The following NET1 variants were observed in gnomAD, a reference collection of about 807,000 sequenced individuals.
The protein encoded by NET1 is neuroepithelial cell-transforming gene 1 protein.
A neutral mutation model predicts 61.1 loss-of-function variants in NET1; 42 were observed. That is an observed-to-expected ratio of 0.69 (90% CI 0.54 to 0.89). The LOEUF is 0.89. NET1 is among the 40% of genes least tolerant of loss of function. The pLI, the probability that NET1 is intolerant of heterozygous loss-of-function variation, is 0.00. For synonymous variants in NET1, 254 were observed against 281.8 expected (o/e 0.90, Z 0.99); for missense variants, 654 against 747.3 (o/e 0.88, Z 1.46).
At position 5,453,724 on chromosome 10, in the gene NET1, TA is replaced by T. The variant is rs200149854; in HGVS notation, c.768+179del. On this transcript the variant is annotated intron_variant, in intron 8 of 11. Coordinates refer to ENST00000355029, the MANE Select transcript of NET1 (RefSeq NM_001047160.3). This position sits in a 1 kb window ranked among gnomAD's most constrained non-coding sequence, Gnocchi z 4.9. ...GTGACATAAGAAGTTACAGTCTGTT[TA>T]AAAAAAAAAAAAAACACCTTCATTA... Among the ~76,000 whole-genome samples, 1,979 of 139,426 alleles carry T rather than the reference TA, an allele frequency of 0.014. 42 individuals are homozygous for T. The highest frequency in any genetic ancestry group is 0.11 in the East Asian group (555 of 4,960). 91.5% of individuals were successfully genotyped at this position (139,426 alleles called of 152,430 possible).
At position 5,449,198 on chromosome 10, in the gene NET1, GTTATT is replaced by G. The variant is rs1236653268; in HGVS notation, c.256-2628_256-2624del. Among the ~76,000 whole-genome samples the G allele has an allele frequency of 6.6e-6, 1 of 151,936 alleles. No homozygotes were observed. The highest frequency in any genetic ancestry group is 2.4e-5 in the African/African-American group (1 of 41,354). ...TTTACATTTCATAATCACACTTTTC[GTTATT>G]TTAGTCATTAAAATTGTTCATACTT... On this transcript the variant is annotated intron_variant, in intron 3 of 11. Transcript: ENST00000355029. The surrounding 1 kb of genome is among the most constrained non-coding windows in gnomAD (Gnocchi z 4.4).
rs1227027088 is a variant in NET1 at position 5,448,801 on chromosome 10, T to C, written c.256-3029T>C. Among the ~76,000 whole-genome samples, 5 of 151,788 alleles carry C rather than the reference T, an allele frequency of 3.3e-5. No individual in the cohort carries two copies. The East Asian group carries it at 9.7e-4, about 29-fold the overall frequency. On this transcript the variant is annotated intron_variant, in intron 3 of 11. Coordinates refer to ENST00000355029, the MANE Select transcript of NET1 (RefSeq NM_001047160.3). ...ATAAACAATCCTAGCAGTGGAACTA[T>C]GGGTGCCTTCCATTTGGTGGTGGTG...
In NET1 at chr10:5,443,873, G is replaced by A. The variant is rs960497401; in HGVS notation, c.256-7957G>A. On this transcript the variant is annotated intron_variant, in intron 3 of 11. Coordinates refer to ENST00000355029, the MANE Select transcript of NET1 (RefSeq NM_001047160.3). This position sits in a 1 kb window ranked among gnomAD's most constrained non-coding sequence, Gnocchi z 4.8. ...GAAAAACAGTTTCAAGAAAGACATC[G>A]GGTAAGAATCCCAGGAGAACTCCTA... Among the ~76,000 whole-genome samples the A allele has an allele frequency of 2.6e-5, 4 of 152,142 alleles. No individual in the cohort carries two copies. Among genetic ancestry groups the A allele is most frequent in the Admixed American group, 6.5e-5 (1 of 15,278 alleles).
chr10:5,417,484 A>G lies in NET1; in HGVS notation c.128+4664A>G, dbSNP rs780384703. ...CTTTATTTTCAGTTTAATAATTTCA[A>G]TTGTATAGGAATACATACAATTGAT... On this transcript the variant is annotated intron_variant, in intron 1 of 11. Transcript: ENST00000355029. The surrounding 1 kb of genome is among the most constrained non-coding windows in gnomAD (Gnocchi z 5.5). Among the ~76,000 whole-genome samples the G allele has an allele frequency of 2.0e-5, 3 of 151,966 alleles. No individual in the cohort carries two copies. The highest frequency in any genetic ancestry group is 6.5e-5 in the Admixed American group (1 of 15,274).
rs1832169928 is a variant in NET1 at position 5,421,189 on chromosome 10, C to T, written c.129-5466C>T. Among the ~76,000 whole-genome samples, 1 of 152,188 alleles carries T rather than the reference C, an allele frequency of 6.6e-6. No individual in the cohort carries two copies. The highest frequency in any genetic ancestry group is 2.4e-5 in the African/African-American group (1 of 41,450). ...TGGGCAAGTTACTTAGTCTCTAAAT[C>T]TCACTTCATAGTACCTATGTCTAAG... On this transcript the variant is annotated intron_variant, in intron 1 of 11. Transcript: ENST00000355029. The surrounding 1 kb of genome is among the most constrained non-coding windows in gnomAD (Gnocchi z 4.2).
rs772582177 is a variant in NET1, at chr10:5,424,603, G to A, written c.129-2052G>A. ...TAATCAGCTTCTTAGATTGTTTTGC[G>A]CCACTAAAGAGGCCGTCAAAAATAG... On this transcript the variant is annotated intron_variant, in intron 1 of 11. Transcript: ENST00000355029. The surrounding 1 kb of genome is among the most constrained non-coding windows in gnomAD (Gnocchi z 6.1). Among the ~76,000 whole-genome samples, 5 of 152,076 alleles carry A rather than the reference G, an allele frequency of 3.3e-5. No homozygotes were observed. Among genetic ancestry groups the A allele is most frequent in the African/African-American group, 4.8e-5 (2 of 41,396 alleles).
Position 5,455,429 on chromosome 10 carries a change from T to TAAG in NET1, c.1197+313_1197+315dup, listed in dbSNP as rs994268175. Among the ~76,000 whole-genome samples the TAAG allele has an allele frequency of 6.6e-6, 1 of 152,248 alleles. No homozygotes were observed. Among genetic ancestry groups the TAAG allele is most frequent in the Non-Finnish European group, 1.5e-5 (1 of 68,032 alleles). ...AAAAGCATCCTTCAAAAAAAACTTC[T>TAAG]AAGAGTTTATCTTATGCTTATGAAA... On this transcript the variant is annotated intron_variant, in intron 10 of 11. Transcript: ENST00000355029. The surrounding 1 kb of genome is among the most constrained non-coding windows in gnomAD (Gnocchi z 6.5).
intron 3 of NET1, among the ~76,000 whole-genome samples, chr10:5,436,348 C>T (rs1287146710): frequency 6.9e-6 from 1 of 144,438 alleles, no homozygotes; most frequent in Non-Finnish European, 1.5e-5. Flanking sequence ...TCACTGCAGC[C>T]TCTGCCTCCC....
rs1832022208 is a variant in NET1, at chr10:5,412,924, G to A, written c.128+104G>A. The A allele has an allele frequency of 9.0e-7, 1 of 1,113,432 alleles. No homozygotes were observed. Among genetic ancestry groups the A allele is most frequent in the Non-Finnish European group, 1.1e-6 (1 of 882,220 alleles). 69.0% of individuals were successfully genotyped at this position (1,113,432 alleles called of 1,614,324 possible). A position where few individuals can be genotyped will look rare whatever the true frequency, so the allele number is the denominator to read the frequency against. ...GAGGCAAGGGCCGGGGGGAGGGGAG[G>A]GCTGGCCGGGAGTTGGATGTGGGGG... is the stretch of plus-strand genomic sequence containing the variant. On this transcript the variant is annotated intron_variant, in intron 1 of 11. Coordinates refer to ENST00000355029, the MANE Select transcript of NET1 (RefSeq NM_001047160.3). The surrounding 1 kb of genome is among the most constrained non-coding windows in gnomAD (Gnocchi z 6.5).
Position 5,422,722 on chromosome 10 carries a change from T to C in NET1, c.129-3933T>C, listed in dbSNP as rs1832196101. Among the ~76,000 whole-genome samples the C allele has an allele frequency of 6.6e-6, 1 of 152,178 alleles. No homozygotes were observed. Among genetic ancestry groups the C allele is most frequent in the African/African-American group, 2.4e-5 (1 of 41,444 alleles). ...GACTCTCATGCAGATGAGAAAACCC[T>C]AGTATGATAGGAGACATAGTCTACA... On this transcript the variant is annotated intron_variant, in intron 1 of 11. Coordinates refer to ENST00000355029, the MANE Select transcript of NET1 (RefSeq NM_001047160.3). The surrounding 1 kb of genome is among the most constrained non-coding windows in gnomAD (Gnocchi z 4.1).
intron 1 of NET1, among the ~76,000 whole-genome samples, chr10:5,413,964 A>G (rs1832041680): frequency 1.3e-5 from 2 of 152,220 alleles, no homozygotes; most frequent in Admixed American, 1.3e-4. Flanking sequence ...GTAGATTAAA[A>G]GGAACACTTA....
Position 5,458,276 on chromosome 10 carries a change from T to C in NET1, c.*1282T>C, listed in dbSNP as rs1832841818. ...TTCTGTTAAAATGGGATCATCATCT[T>C]TGAAAGGGGGGAGGAGGAGTAAAAG... On this transcript the variant is annotated 3_prime_UTR_variant, in exon 12 of 12. Transcript: ENST00000355029. The surrounding 1 kb of genome is among the most constrained non-coding windows in gnomAD (Gnocchi z 4.5). The C allele has an allele frequency of 6.6e-6, 1 of 152,386 alleles. No individual in the cohort carries two copies. The highest frequency in any genetic ancestry group is 2.1e-4 in the South Asian group (1 of 4,832). 9.4% of individuals were successfully genotyped at this position (152,386 alleles called of 1,614,324 possible). A position where few individuals can be genotyped will look rare whatever the true frequency, so the allele number is the denominator to read the frequency against.
chr10:5,455,156 C>T lies in NET1; in HGVS notation c.1197+38C>T. ...TGCTGCCGTGGCAGAGCAGCCTTCC[C>T]TCCTGCCTCTTTAACTTTTACACGT... On this transcript the variant is annotated intron_variant, in intron 10 of 11. Coordinates refer to ENST00000355029, the MANE Select transcript of NET1 (RefSeq NM_001047160.3). The surrounding 1 kb of genome is among the most constrained non-coding windows in gnomAD (Gnocchi z 6.5). The T allele has an allele frequency of 6.3e-7, 1 of 1,593,924 alleles. No individual in the cohort carries two copies. Among genetic ancestry groups the T allele is most frequent in the Non-Finnish European group, 8.6e-7 (1 of 1,163,844 alleles).
At position 5,452,415 on chromosome 10, in the gene NET1, A is replaced by C. The variant is rs772482746; in HGVS notation, c.421A>C (p.Arg141=). The C allele has an allele frequency of 3.7e-6, 6 of 1,613,974 alleles. No individual in the cohort carries two copies. In the Admixed American group the frequency reaches 5.0e-5, roughly 13 times the overall value. ...AGCCTCTGCCCAGAAGTTTTCTAGC[A>C]GGTCAACAGTCCCAACACCCGCCAA... ...SPASAQKFSS[R]STVPTPAKRR... The change falls in exon 5 of 12, where the codon AGG becomes CGG. Residue 141 remains arginine (R), a synonymous_variant. Transcript: ENST00000355029. The surrounding 1 kb of genome is among the most constrained non-coding windows in gnomAD (Gnocchi z 4.0).
At position 5,457,049 on chromosome 10, in the gene NET1, A is replaced by G. The variant is rs754001802; in HGVS notation, c.*55A>G. Reference sequence around the variant, plus strand: ...AGACTGTTTGTTTATAAATGTGTACAGTTTTGTTTTCTCGTAAGGGGAGCA... The same window carrying G: ...AGACTGTTTGTTTATAAATGTGTACGGTTTTGTTTTCTCGTAAGGGGAGCA... On this transcript the variant is annotated 3_prime_UTR_variant, in exon 12 of 12. Transcript: ENST00000355029. The surrounding 1 kb of genome is among the most constrained non-coding windows in gnomAD (Gnocchi z 5.4). The G allele has an allele frequency of 1.4e-5, 21 of 1,484,688 alleles. No homozygotes were observed. Among genetic ancestry groups the G allele is most frequent in the Non-Finnish European group, 1.9e-5 (21 of 1,116,472 alleles). 92.0% of individuals were successfully genotyped at this position (1,484,688 alleles called of 1,614,324 possible). A position where few individuals can be genotyped will look rare whatever the true frequency, so the allele number is the denominator to read the frequency against.
intron 3 of NET1, among the ~76,000 whole-genome samples, chr10:5,442,484 T>C (rs1048120816): frequency 6.6e-6 from 1 of 152,360 alleles, no homozygotes; most frequent in Non-Finnish European, 1.5e-5. Context: ...AAGAGAAACA[T>C]CTTTCTCTTT....
chr10:5,450,002 A>C (rs905079579), intron 3 of NET1, among the ~76,000 whole-genome samples: 2 of 151,710 alleles, frequency 1.3e-5, no homozygotes, highest in Admixed American at 6.6e-5. Flanking sequence ...CCAACAGGAG[A>C]CTCTTTGTGC....
chr10:5,419,706 T>TTTG (rs71388430), intron 1 of NET1, among the ~76,000 whole-genome samples: 43,692 of 150,676 alleles, frequency 0.29, 6,815 homozygotes, highest in Middle Eastern at 0.43. Context: ...TTTTCTTTGT[T>TTTG]TTGTTGTTGT....
intron 3 of NET1, among the ~76,000 whole-genome samples, chr10:5,445,491 A>T (rs1176940329): frequency 6.6e-6 from 1 of 152,232 alleles, no homozygotes; most frequent in Non-Finnish European, 1.5e-5. Flanking sequence ...AAGTATCTAG[A>T]ATAGTGACTT....
Sources: allele counts gnomAD v4.1 joint callset (sites outside exome capture counted in the v4.1 genomes callset), GRCh38; gene constraint gnomAD v4.1.1; non-coding constraint Gnocchi (gnomAD v3.1); transcripts MANE v1.5; gene names NCBI Gene and HGNC (gene_info 2026-07-23, HGNC 2026-07-21).